Variants in DYNLT5 observed in about 807,000 individuals in gnomAD.
DYNLT5 encodes dynein light chain Tctex-type family member 5.
In DYNLT5, 25 loss-of-function variants were observed where a neutral mutation model predicts 19.3. That is an observed-to-expected ratio of 1.30 (90% CI 0.95 to 1.81). The LOEUF is 1.81. Ranked by LOEUF, DYNLT5 falls within the 40% of genes most tolerant of loss-of-function variation. The pLI is 0.00. For synonymous variants in DYNLT5, 82 were observed against 68.9 expected, an observed-to-expected ratio of 1.19 and a Z score of -0.94; for missense variants, 232 against 217.9, an observed-to-expected ratio of 1.06 and a Z score of -0.41.
At chr1:66,753,905 A>G (rs561724991) in intron 1 of DYNLT5, among the ~76,000 whole-genome samples, 1 of 152,222 alleles carries the variant, frequency 6.6e-6, no homozygotes, top group South Asian at 2.1e-4. Flanking sequence ...AGCTATGATC[A>G]TGCCACTGCA....
At position 66,778,619 on chromosome 1, in the gene DYNLT5, T is replaced by C. The variant is rs1403515415; in HGVS notation, c.*1165T>C. The C allele has an allele frequency of 6.5e-6, 1 of 152,740 alleles. No homozygotes were observed. Among genetic ancestry groups the C allele is most frequent in the East Asian group, 1.9e-4 (1 of 5,186 alleles). The allele number at this position is 152,740 out of a possible 1,614,324, so 9.5% of individuals were successfully genotyped here. The stretch of plus-strand genomic sequence containing the variant: ...GTAGTCTTAAGGAAAAAATGATTTA[T>C]CATTCATATCAAAAAGAGTTTAGCA... On this transcript the variant is annotated 3_prime_UTR_variant, in exon 5 of 5. Transcript: ENST00000282670.
At chr1:66,763,711 T>G (rs1435893631) in intron 2 of DYNLT5, among the ~76,000 whole-genome samples, 1 of 152,216 alleles carries the variant, frequency 6.6e-6, no homozygotes, top group Non-Finnish European at 1.5e-5. Context: ...CTCACTTTTC[T>G]TAGCCTTCAT....
intron 2 of DYNLT5, among the ~76,000 whole-genome samples, chr1:66,767,572 T>G (rs1645168810): frequency 6.6e-6 from 1 of 152,200 alleles, no homozygotes; most frequent in South Asian, 2.1e-4. Context: ...GTTTTATGAT[T>G]TATTGATTAC....
chr1:66,769,169 G>A (rs903081940), intron 2 of DYNLT5, among the ~76,000 whole-genome samples: 2 of 152,068 alleles, frequency 1.3e-5, no homozygotes, highest in African/African-American at 2.4e-5. Flanking sequence ...TACTTCAAAG[G>A]GCAGCAGTAA....
At chr1:66,774,192 C>A (rs1002076933) in intron 3 of DYNLT5, among the ~76,000 whole-genome samples, 2 of 152,082 alleles carry the variant, frequency 1.3e-5, no homozygotes, top group Non-Finnish European at 2.9e-5. Flanking sequence ...CTCCTTACCA[C>A]CATGAAAAAC....
At chr1:66,770,842 G>A in intron 3 of DYNLT5, 1 of 265,814 alleles carries the variant, frequency 3.8e-6, no homozygotes, top group Non-Finnish European at 7.3e-6. Context: ...GTTGTTAGGT[G>A]AAGGAAAAAA....
intron 3 of DYNLT5, among the ~76,000 whole-genome samples, chr1:66,772,215 G>A (rs569759912): frequency 1.3e-5 from 2 of 152,310 alleles, no homozygotes; most frequent in East Asian, 3.9e-4. Context: ...CATGGTTCTA[G>A]AGACTATACA....
chr1:66,753,082 T>C (rs1456343352), intron 1 of DYNLT5, among the ~76,000 whole-genome samples: 4 of 152,144 alleles, frequency 2.6e-5, no homozygotes. Flanking sequence ...GACACACTTA[T>C]ACACACAGGC....
In DYNLT5 at chr1:66,762,788, A is replaced by T. The variant is rs145953072; in HGVS notation, c.120-7599A>T. Among the ~76,000 whole-genome samples, 510 of 152,342 alleles carry T rather than the reference A, an allele frequency of 3.3e-3. 4 individuals are homozygous for T. The highest frequency in any genetic ancestry group is 0.012 in the African/African-American group (488 of 41,576). On this transcript the variant is annotated intron_variant, in intron 2 of 4. Coordinates refer to ENST00000282670, the MANE Select transcript of DYNLT5 (RefSeq NM_152665.3). ...CTAGTATTCAATAATACAGTAGGGA[A>T]ATTATAGTTAGCAATAATTTATTAT...
intron 3 of DYNLT5, among the ~76,000 whole-genome samples, chr1:66,771,419 C>T (rs1645203957): frequency 6.6e-6 from 1 of 152,208 alleles, no homozygotes; most frequent in Admixed American, 6.5e-5. Context: ...ATGAAGCTGG[C>T]ACTGGCTTTA....
At chr1:66,776,560 G>GGTGTGTGTGTGTGTGGGT (rs1645236940) in intron 4 of DYNLT5, among the ~76,000 whole-genome samples, 157 bp downstream of exon 4, 1 of 126,588 alleles carries the variant, frequency 7.9e-6, no homozygotes, top group African/African-American at 2.8e-5. Context: ...TGTGTGTGTG[G>GGTGTGTGTGTGTGTGGGT]GTGTGTGTGT....
At chr1:66,766,515 T>C (rs943781665) in intron 2 of DYNLT5, among the ~76,000 whole-genome samples, 1 of 152,236 alleles carries the variant, frequency 6.6e-6, no homozygotes, top group Non-Finnish European at 1.5e-5. Flanking sequence ...TGAACTGATA[T>C]TGGCAATTCC....
At chr1:66,776,560 G>GTGTGTGT (rs1557875500) in intron 4 of DYNLT5, among the ~76,000 whole-genome samples, 157 bp downstream of exon 4, 48 of 126,692 alleles carry the variant, frequency 3.8e-4, no homozygotes, top group Middle Eastern at 4.5e-3. Flanking sequence ...TGTGTGTGTG[G>GTGTGTGT]GTGTGTGTGT....
chr1:66,776,370 G>T lies in DYNLT5; in HGVS notation c.303G>T (p.Glu101Asp). ...TACAAGTAGAAGAATATGAACCAGAGCTCTGTAGACAGATGACTAAAACCA... is the reference window on the plus strand; with the variant it reads ...TACAAGTAGAAGAATATGAACCAGATCTCTGTAGACAGATGACTAAAACCA... ...SYLQVEEYEP[E>D]LCRQMTKTIS... is the part of the protein sequence containing the mutation. Residue 101 changes from glutamate to aspartate, a missense_variant, in exon 4 of 5, where the codon GAG becomes GAT. Physicochemically the swap from Glu to Asp is conservative, Grantham distance 45. Coordinates refer to ENST00000282670, the MANE Select transcript of DYNLT5 (RefSeq NM_152665.3). 6.2e-7 allele frequency: 1 copy of T among 1,612,354 alleles called. No individual in the cohort carries two copies. Among genetic ancestry groups the T allele is most frequent in the Non-Finnish European group, 8.5e-7 (1 of 1,179,100 alleles).
At chr1:66,768,849 G>A (rs967175006) in intron 2 of DYNLT5, 2 of 152,146 alleles carry the variant, frequency 1.3e-5, no homozygotes, top group African/African-American at 2.4e-5. Flanking sequence ...GTCACTAAGA[G>A]GTAAACAGGA....
intron 2 of DYNLT5, among the ~76,000 whole-genome samples, chr1:66,764,508 C>T (rs2150863353): frequency 6.6e-6 from 1 of 152,288 alleles, no homozygotes; most frequent in East Asian, 1.9e-4. Flanking sequence ...TAACATTTAT[C>T]AATTAAGTCA....
chr1:66,776,165 T>G, intron 3 of DYNLT5, 114 bp from the exon 4 acceptor site: 1 of 1,357,652 alleles, frequency 7.4e-7, no homozygotes, highest in Non-Finnish European at 9.8e-7. Flanking sequence ...TTCAATAGAG[T>G]CCACCCAGAA....
Position 66,778,504 on chromosome 1 carries a change from G to A in DYNLT5, c.*1050G>A, listed in dbSNP as rs556791317. 5.9e-5 allele frequency: 9 copies of A among 152,604 alleles called. No individual in the cohort carries two copies. The highest frequency in any genetic ancestry group is 4.1e-4 in the South Asian group (2 of 4,824). The allele number at this position is 152,604 out of a possible 1,614,324, so 9.5% of individuals were successfully genotyped here. A position where few individuals can be genotyped will look rare whatever the true frequency, so the allele number is the denominator to read the frequency against. ...TGTGCAAGTAAAATGATGTTGTGGCGTTGTTCTTGGATGGTAAGTGGACTG... is the reference window on the plus strand; with the variant it reads ...TGTGCAAGTAAAATGATGTTGTGGCATTGTTCTTGGATGGTAAGTGGACTG... On this transcript the variant is annotated 3_prime_UTR_variant, in exon 5 of 5. Transcript: ENST00000282670.
At chr1:66,762,019 T>G (rs1316395982) in intron 2 of DYNLT5, among the ~76,000 whole-genome samples, 1 of 152,058 alleles carries the variant, frequency 6.6e-6, no homozygotes, top group Non-Finnish European at 1.5e-5. Flanking sequence ...GTTCACAGCA[T>G]CTTCACCAGA....
Sources: allele counts gnomAD v4.1 joint callset (sites outside exome capture counted in the v4.1 genomes callset), GRCh38; gene constraint gnomAD v4.1.1; transcripts MANE v1.5; gene names NCBI Gene and HGNC (gene_info 2026-07-23, HGNC 2026-07-21).